The following DZIP1L variants were observed in gnomAD, a reference collection of about 807,000 sequenced individuals.
DZIP1L encodes the protein cilium assembly protein DZIP1L.
Under a neutral mutation model 88.7 loss-of-function variants are expected in DZIP1L, and 90 were observed. The ratio of observed to expected loss-of-function variants is 1.02; its 90% CI spans 0.86 to 1.21. The LOEUF is 1.21. Ranked by LOEUF, DZIP1L falls within the 50% of genes most tolerant of loss-of-function variation. DZIP1L has a pLI of 0.00. For synonymous variants in DZIP1L, 363 were observed against 372.1 expected (o/e 0.98, Z 0.28); for missense variants, 932 against 955.8 (o/e 0.98, Z 0.33).
intron 1 of DZIP1L, among the ~76,000 whole-genome samples, chr3:138,111,769 C>T (rs888182667): frequency 6.6e-5 from 10 of 152,012 alleles, no homozygotes; most frequent in African/African-American, 1.2e-4. Flanking sequence ...CTGAGACAGG[C>T]GGATCACCTG....
At chr3:138,084,070 C>T in intron 8 of DZIP1L, 43 bp downstream of exon 8, 1 of 1,603,418 alleles carries the variant, frequency 6.2e-7, no homozygotes. Flanking sequence ...AGGAAAGAGG[C>T]CCAGGGACAC....
chr3:138,094,765 C>T, intron 4 of DZIP1L, 97 bp downstream of exon 4: 1 of 1,548,828 alleles, frequency 6.5e-7, no homozygotes, highest in South Asian at 1.2e-5. Context: ...CTCTGGGAAA[C>T]TAGCTGGAAT....
In DZIP1L at chr3:138,083,823, A is replaced by G. The variant is rs570985751; in HGVS notation, c.1203+290T>C. On this transcript the variant is annotated intron_variant, in intron 8 of 15. Coordinates refer to ENST00000327532, the MANE Select transcript of DZIP1L (RefSeq NM_173543.3). The stretch of plus-strand genomic sequence containing the variant: ...CTTGAAGGATAGTAGTGAGGCTTAA[A>G]TGAGGTAATAAGCAAAGTATCAGTG... Among the ~76,000 whole-genome samples the G allele has an allele frequency of 2.0e-5, 3 of 152,318 alleles. No individual in the cohort carries two copies. The South Asian group carries it at 6.2e-4, about 32-fold the overall frequency.
intron 13 of DZIP1L, 42 bp from the exon 14 acceptor site, chr3:138,067,742 AAAG>A (rs1434643898): frequency 1.3e-6 from 2 of 1,511,494 alleles, no homozygotes; most frequent in Non-Finnish European, 1.8e-6. Flanking sequence ...CATGGGCCAG[AAAG>A]AAAACTTCAA....
intron 7 of DZIP1L, 94 bp from the exon 8 acceptor site, chr3:138,084,347 G>A (rs1320478576): frequency 1.0e-5 from 15 of 1,479,786 alleles, no homozygotes; most frequent in South Asian, 5.5e-5. Flanking sequence ...CAAGTGCCAG[G>A]CAAGCACAGT....
chr3:138,071,966 G>A (rs1943202433), intron 11 of DZIP1L, 131 bp from the exon 12 acceptor site: 1 of 875,006 alleles, frequency 1.1e-6, no homozygotes, highest in Non-Finnish European at 1.7e-6. Context: ...GCAGGACTGG[G>A]GGGCATGAAA....
At chr3:138,106,626 G>T (rs560410363) in intron 1 of DZIP1L, among the ~76,000 whole-genome samples, 24 of 151,424 alleles carry the variant, frequency 1.6e-4, no homozygotes, top group African/African-American at 5.8e-4. Flanking sequence ...GAGGTCAAGA[G>T]ATTGAGACCA....
chr3:138,071,891 C>A, intron 11 of DZIP1L, 56 bp from the exon 12 acceptor site: 1 of 1,517,130 alleles, frequency 6.6e-7, no homozygotes, highest in South Asian at 1.3e-5. Context: ...TTCTCCTTCC[C>A]CTAAGCCTCT....
At chr3:138,100,935 C>T (rs1037880364) in intron 2 of DZIP1L, among the ~76,000 whole-genome samples, 1 of 152,156 alleles carries the variant, frequency 6.6e-6, no homozygotes, top group Non-Finnish European at 1.5e-5. Flanking sequence ...ATAATGGAGT[C>T]AGTATTCCAG....
In DZIP1L at chr3:138,063,003, A is replaced by G; in HGVS notation, c.2143-26T>C. On this transcript the variant is annotated intron_variant, in intron 15 of 15. Coordinates refer to ENST00000327532, the MANE Select transcript of DZIP1L (RefSeq NM_173543.3). The surrounding 1 kb of genome is among the most constrained non-coding windows in gnomAD (Gnocchi z 4.1). ...CTGCAGGGGGTAAAGGGGAGAAGAA[A>G]ATGCATTTTGATAAGGGAGGAGGGT... is the stretch of plus-strand genomic sequence containing the variant. 6.2e-7 allele frequency: 1 copy of G among 1,611,218 alleles called. No homozygotes were observed. Among genetic ancestry groups the G allele is most frequent in the South Asian group, 1.1e-5 (1 of 91,012 alleles).
At position 138,103,576 on chromosome 3, in the gene DZIP1L, C is replaced by G. The variant is rs2042389567; in HGVS notation, c.396G>C (p.Gln132His). The G allele has an allele frequency of 3.1e-6, 5 of 1,608,114 alleles. No individual in the cohort carries two copies. ...CCCGCACACCCTTGAGCTCGTCAGCCTGGCGTCCCAGCTCCTGCTGACCAC... is the reference window on the plus strand; with the variant it reads ...CCCGCACACCCTTGAGCTCGTCAGCGTGGCGTCCCAGCTCCTGCTGACCAC... ...QQRGQQELGRQADELKGVREE... is the reference protein window; with the variant it reads ...QQRGQQELGRHADELKGVREE... The change falls in exon 2 of 16, where the codon CAG becomes CAC. Residue 132 changes from glutamine (Q) to histidine (H), a missense_variant. Coordinates refer to ENST00000327532, the MANE Select transcript of DZIP1L (RefSeq NM_173543.3).
chr3:138,064,074 CT>C (rs1942788791), intron 15 of DZIP1L, among the ~76,000 whole-genome samples: 1 of 152,198 alleles, frequency 6.6e-6, no homozygotes, highest in Admixed American at 6.5e-5. Flanking sequence ...AGCCCAACAT[CT>C]GAGCTCTAAG....
At chr3:138,087,900 T>A (rs1360856879) in intron 6 of DZIP1L, among the ~76,000 whole-genome samples, 1 of 152,240 alleles carries the variant, frequency 6.6e-6, no homozygotes, top group Non-Finnish European at 1.5e-5. Flanking sequence ...GCACAAGTCT[T>A]CCTGGCTCCA....
rs1163877519 is a variant in DZIP1L, at chr3:138,088,477, T to C, written c.901A>G (p.Met301Val). Residue 301 changes from methionine (M) to valine (V), a missense_variant, in exon 6 of 16, where the codon ATG becomes GTG. Coordinates refer to ENST00000327532, the MANE Select transcript of DZIP1L (RefSeq NM_173543.3). ...CGCAGTGATCCCAGCTTGGACTCCA[T>C]CACACTGTGGGACTGCAGTGCCCGC... ...KLRALQSHSV[M>V]ESKLGSLRDE... 1.2e-6 allele frequency: 2 copies of C among 1,613,982 alleles called. No homozygotes were observed. The highest frequency in any genetic ancestry group is 1.7e-5 in the Admixed American group (1 of 60,006).
chr3:138,102,015 T>C (rs1385422839), intron 2 of DZIP1L: 2 of 1,487,020 alleles, frequency 1.3e-6, no homozygotes, highest in African/African-American at 1.4e-5. Flanking sequence ...CTTTGTATGC[T>C]GCAGGTCATC....
chr3:138,067,647 A>C lies in DZIP1L; in HGVS notation c.1886T>G (p.Val629Gly), dbSNP rs1942970174. 4 of 1,609,510 alleles carry C rather than the reference A, an allele frequency of 2.5e-6. No individual in the cohort carries two copies. The highest frequency in any genetic ancestry group is 3.4e-6 in the Non-Finnish European group (4 of 1,177,964). ...AGGAACTTTTGGGGGCTGTAGAGACACACGCTGCACACGGTCTCCCTCTGA... is the reference window on the plus strand; with the variant it reads ...AGGAACTTTTGGGGGCTGTAGAGACCCACGCTGCACACGGTCTCCCTCTGA... ...EDSEGDRVQRVSLQPPKVPSR... is the reference protein window; with the variant it reads ...EDSEGDRVQRGSLQPPKVPSR... The change falls in exon 14 of 16, where the codon GTG (valine) becomes GGG (glycine). Residue 629 changes from valine to glycine, a missense_variant. Coordinates refer to ENST00000327532, the MANE Select transcript of DZIP1L (RefSeq NM_173543.3).
At chr3:138,069,304 C>G (rs1317090203) in intron 12 of DZIP1L, 7 of 452,602 alleles carry the variant, frequency 1.5e-5, no homozygotes, top group Non-Finnish European at 2.8e-5. Context: ...TGTAATAATA[C>G]AGCTTATAAT....
rs113037626 is a variant in DZIP1L at position 138,102,373 on chromosome 3, C to T, written c.501+1098G>A. 5.0e-4 allele frequency: 601 copies of T among 1,193,438 alleles called. 2 individuals carry two copies. The African/African-American group carries it at 7.9e-3, about 16-fold the overall frequency. 73.9% of individuals were successfully genotyped at this position (1,193,438 alleles called of 1,614,324 possible). On this transcript the variant is annotated intron_variant, in intron 2 of 15. Coordinates refer to ENST00000327532, the MANE Select transcript of DZIP1L (RefSeq NM_173543.3). ...TCCATCTTTGTATGCTTATTGATCT[C>T]ATCCTCATACTTGTTCTCGAAGTCC...
Position 138,103,550 on chromosome 3 carries a change from T to G in DZIP1L, c.422A>C (p.Glu141Ala). The change falls in exon 2 of 16, where the codon GAG becomes GCG. Residue 141 changes from glutamate (E) to alanine (A), a missense_variant. By Grantham distance (107) the Glu-to-Ala change is moderately radical. Transcript: ENST00000327532. Reference sequence around the variant, plus strand: ...CATCTTGCGACGCCGGCGGCTCTCCTCCCGCACACCCTTGAGCTCGTCAGC... The same window carrying G: ...CATCTTGCGACGCCGGCGGCTCTCCGCCCGCACACCCTTGAGCTCGTCAGC... ...RQADELKGVR[E>A]ESRRRRKMIS... 1 of 1,610,096 alleles carries G rather than the reference T, an allele frequency of 6.2e-7. No individual in the cohort carries two copies. The highest frequency in any genetic ancestry group is 2.2e-5 in the East Asian group (1 of 44,866).
Sources: allele counts gnomAD v4.1 joint callset (sites outside exome capture counted in the v4.1 genomes callset), GRCh38; gene constraint gnomAD v4.1.1; non-coding constraint Gnocchi (gnomAD v3.1); transcripts MANE v1.5; gene names NCBI Gene and HGNC (gene_info 2026-07-23, HGNC 2026-07-21).